POLE: variants seen among roughly 807,000 people sequenced by gnomAD.
The protein encoded by POLE is DNA polymerase epsilon, catalytic subunit.
A neutral mutation model predicts 279.2 loss-of-function variants in POLE; 188 were observed. The ratio of observed to expected loss-of-function variants is 0.67; its 90% CI spans 0.60 to 0.76. The LOEUF is 0.76. Among genes scored for constraint, POLE ranks in the 30% least tolerant of loss-of-function variants. The pLI is 0.00. For synonymous variants in POLE, 1,214 were observed against 1,172.5 expected (o/e 1.04, Z -0.72); for missense variants, 2,703 against 3,016.7 (o/e 0.90, Z 2.44).
intron 8 of POLE, 62 bp downstream of exon 8, chr12:132,677,301 G>T: frequency 8.4e-7 from 1 of 1,185,926 alleles, no homozygotes; most frequent in Non-Finnish European, 1.3e-6. Flanking sequence ...CTCCAGCACT[G>T]AAGAATATTC....
intron 45 of POLE, among the ~76,000 whole-genome samples, chr12:132,630,052 A>G (rs2041906763): frequency 2.0e-5 from 3 of 152,230 alleles, no homozygotes. Context: ...CAATCAGGAC[A>G]CACACAACAT....
chr12:132,636,525 G>A (rs994702269), intron 41 of POLE, among the ~76,000 whole-genome samples: 1 of 151,652 alleles, frequency 6.6e-6, no homozygotes, highest in African/African-American at 2.4e-5. Flanking sequence ...GGAGGCTGAG[G>A]CAGGAGGATC....
rs57257940 is a variant in POLE, at chr12:132,644,323, C to CTTT, written c.4150-349_4150-347dup. On this transcript the variant is annotated intron_variant, in intron 32 of 48. Transcript: ENST00000320574. Reference sequence around the variant, plus strand: ...ACAAGGAACACACCACCACGGATGGCTTTTTTTTTTTTTTTTTTTTTTTGT... The same window carrying CTTT: ...ACAAGGAACACACCACCACGGATGGCTTTTTTTTTTTTTTTTTTTTTTTTTTGT... 3.4e-3 allele frequency among the ~76,000 whole-genome samples: 367 copies of CTTT among 107,550 alleles called. 1 individual carries two copies. The highest frequency in any genetic ancestry group is 4.5e-3 in the Non-Finnish European group (240 of 53,648). 70.6% of individuals were successfully genotyped at this position (107,550 alleles called of 152,430 possible). A position where few individuals can be genotyped will look rare whatever the true frequency, so the allele number is the denominator to read the frequency against.
rs2043133203 is a variant in POLE, at chr12:132,679,949, C to T, written c.423+5G>A. 6.2e-7 allele frequency: 1 copy of T among 1,600,024 alleles called. No individual in the cohort carries two copies. Among genetic ancestry groups the T allele is most frequent in the African/African-American group, 1.3e-5 (1 of 74,586 alleles). ...TTACCCCTGGAAAGTCTGGGTGATA[C>T]TCACCAAGTCCAGATCCTCTTTGGG... On this transcript the variant is annotated splice_donor_5th_base_variant and intron_variant, in intron 5 of 48. Coordinates refer to ENST00000320574, the MANE Select transcript of POLE (RefSeq NM_006231.4).
chr12:132,672,596 G>T, intron 15 of POLE, 31 bp downstream of exon 15: 1 of 1,602,162 alleles, frequency 6.2e-7, no homozygotes, highest in Non-Finnish European at 8.5e-7. Flanking sequence ...ACAAGAGTGG[G>T]AAGAATCTGA....
rs773584430 is a variant in POLE, at chr12:132,659,465, C to T, written c.3105G>A (p.Glu1035=). 6.2e-7 allele frequency: 1 copy of T among 1,614,238 alleles called. No individual in the cohort carries two copies. The highest frequency in any genetic ancestry group is 1.7e-5 in the Admixed American group (1 of 60,032). Residue 1035 remains glutamate (E), a synonymous_variant, in exon 26 of 49, where the codon GAG becomes GAA. Transcript: ENST00000320574. ...PDSELFELIS[E]NRSMSRKLED... The stretch of plus-strand genomic sequence containing the variant: ...CCAGCTTCCGAGACATGGAACGGTT[C>T]TCAGAGATGAGCTCGAATAGCTCAG...
At chr12:132,685,040 C>A (rs2043230172) in intron 1 of POLE, among the ~76,000 whole-genome samples, 1 of 86,434 alleles carries the variant, frequency 1.2e-5, no homozygotes. Flanking sequence ...CTGTATCACA[C>A]AATCCCAGTA....
chr12:132,679,885 G>T, intron 5 of POLE, 69 bp downstream of exon 5: 1 of 1,210,094 alleles, frequency 8.3e-7, no homozygotes, highest in South Asian at 1.4e-5. Flanking sequence ...TACCTCTTCC[G>T]ATCCCACCTG....
chr12:132,679,797 C>T (rs1482561331), intron 5 of POLE, 146 bp from the exon 6 acceptor site: 13 of 1,022,626 alleles, frequency 1.3e-5, no homozygotes, highest in Admixed American at 7.3e-5. Flanking sequence ...CACCAACTAA[C>T]ACCACTAGAG....
At chr12:132,652,775 A>G (rs150548803) in intron 29 of POLE, among the ~76,000 whole-genome samples, 230 of 152,330 alleles carry the variant, frequency 1.5e-3, no homozygotes, top group African/African-American at 5.4e-3. Flanking sequence ...TAGGCTCCCA[A>G]TCGGCTCTAC....
Position 132,632,658 on chromosome 12 carries a change from G to T in POLE, c.6136+6C>A, listed in dbSNP as rs1593708643. On this transcript the variant is annotated splice_donor_region_variant and intron_variant, in intron 44 of 48. Transcript: ENST00000320574. ...CAGTGGCCTCAAAAGACAAAAGACT[G>T]CTCACCGGGAAGGGCTCCGACCGCC... 1.2e-6 allele frequency: 2 copies of T among 1,613,960 alleles called. No homozygotes were observed. The highest frequency in any genetic ancestry group is 1.7e-6 in the Non-Finnish European group (2 of 1,179,970).
At chr12:132,665,550 C>A in intron 20 of POLE, 100 bp from the exon 21 acceptor site, 1 of 1,358,612 alleles carries the variant, frequency 7.4e-7, no homozygotes, top group South Asian at 1.5e-5. Flanking sequence ...ATTTTCAAAT[C>A]TATAGAAAAC....
chr12:132,681,056 C>A (rs2136032642), intron 2 of POLE, 82 bp downstream of exon 2: 2 of 1,507,094 alleles, frequency 1.3e-6, no homozygotes, highest in Admixed American at 3.6e-5. Flanking sequence ...CTCATGTGTC[C>A]CCCACTCTTT....
At chr12:132,672,890 C>T in intron 14 of POLE, 51 bp from the exon 15 acceptor site, 1 of 1,521,738 alleles carries the variant, frequency 6.6e-7, no homozygotes, top group Non-Finnish European at 9.0e-7. Context: ...AAGGCCCTGA[C>T]TTGCAGGCAA....
intron 1 of POLE, 53 bp from the exon 2 acceptor site, chr12:132,681,332 C>T (rs2043163740): frequency 3.2e-6 from 5 of 1,570,506 alleles, no homozygotes; most frequent in Non-Finnish European, 4.3e-6. Flanking sequence ...CCTGCTGCTG[C>T]TTCTTTTTTT....
rs751167583 is a variant in POLE, at chr12:132,661,477, C to T, written c.2864+50G>A. 8.2e-6 allele frequency: 13 copies of T among 1,583,206 alleles called. No individual in the cohort carries two copies. Among genetic ancestry groups the T allele is most frequent in the Non-Finnish European group, 1.1e-5 (13 of 1,159,440 alleles). On this transcript the variant is annotated intron_variant, in intron 24 of 48. Transcript: ENST00000320574. The surrounding 1 kb of genome is among the most constrained non-coding windows in gnomAD (Gnocchi z 4.1). ...ACCTCCTTTCTGGGCTAAATTTAAT[C>T]TATCTCAATCCATGTCCTTTCTAAA...
At chr12:132,665,945 C>T (rs949577267) in intron 20 of POLE, among the ~76,000 whole-genome samples, 23 of 152,174 alleles carry the variant, frequency 1.5e-4, no homozygotes, top group African/African-American at 5.6e-4. Context: ...ACTTTTGGTG[C>T]TTATTTGATG....
At chr12:132,650,788 C>T (rs1189730953) in intron 29 of POLE, 1 of 151,900 alleles carries the variant, frequency 6.6e-6, no homozygotes, top group Non-Finnish European at 1.5e-5. Flanking sequence ...TAAATTTTTA[C>T]CACATGTCCA....
chr12:132,673,739 G>T (rs768011909), intron 12 of POLE, 32 bp from the exon 13 acceptor site: 1 of 1,611,004 alleles, frequency 6.2e-7, no homozygotes, highest in Admixed American at 1.7e-5. Context: ...AAGCCAGGAT[G>T]ATTCTAACAT....
Sources: allele counts gnomAD v4.1 joint callset (sites outside exome capture counted in the v4.1 genomes callset), GRCh38; gene constraint gnomAD v4.1.1; non-coding constraint Gnocchi (gnomAD v3.1); transcripts MANE v1.5; gene names NCBI Gene and HGNC (gene_info 2026-07-23, HGNC 2026-07-21).